Variants in IMMP1L observed in about 807,000 individuals in gnomAD.
IMMP1L encodes the protein inner mitochondrial membrane peptidase subunit 1.
In IMMP1L, 24 loss-of-function variants were observed where a neutral mutation model predicts 21.8. The ratio of observed to expected loss-of-function variants is 1.10; its 90% CI spans 0.80 to 1.55. IMMP1L has a LOEUF of 1.55. IMMP1L is among the 40% of genes most tolerant of loss of function. IMMP1L has a pLI of 0.00. For synonymous variants in IMMP1L, 46 were observed against 62.8 expected (o/e 0.73, Z 1.26); for missense variants, 195 against 200.7 (o/e 0.97, Z 0.17).
chr11:31,456,051 T>C (rs951697292), intron 4 of IMMP1L, among the ~76,000 whole-genome samples: 1 of 152,364 alleles, frequency 6.6e-6, no homozygotes, highest in South Asian at 2.1e-4. Context: ...GTAACAATTA[T>C]TACTAAGATG....
intron 1 of IMMP1L, among the ~76,000 whole-genome samples, chr11:31,494,887 G>C (rs1043352843): frequency 6.6e-6 from 1 of 151,956 alleles, no homozygotes; most frequent in Non-Finnish European, 1.5e-5. Context: ...CTCGTGATCC[G>C]CCCACCTTGG....
intron 1 of IMMP1L, among the ~76,000 whole-genome samples, chr11:31,478,510 C>T (rs904865526): frequency 3.3e-5 from 5 of 152,064 alleles, no homozygotes; most frequent in Admixed American, 1.3e-4. Context: ...TTTATCATCT[C>T]CAAGAAACTA....
chr11:31,501,627 A>G (rs1231613946), intron 1 of IMMP1L, among the ~76,000 whole-genome samples: 1 of 152,156 alleles, frequency 6.6e-6, no homozygotes, highest in Admixed American at 6.5e-5. Context: ...GAAGAAATAC[A>G]TTTAGAAAAA....
intron 1 of IMMP1L, among the ~76,000 whole-genome samples, chr11:31,500,686 C>T (rs192267470): frequency 2.0e-5 from 3 of 151,734 alleles, no homozygotes; most frequent in African/African-American, 7.3e-5. Flanking sequence ...AATAAAAATA[C>T]ATAAAGCTGT....
intron 1 of IMMP1L, among the ~76,000 whole-genome samples, chr11:31,496,184 A>G (rs1955429502): frequency 1.3e-5 from 2 of 152,090 alleles, no homozygotes; most frequent in Admixed American, 1.3e-4. Context: ...ACATCTCTCC[A>G]GACAAGGTAT....
intron 1 of IMMP1L, among the ~76,000 whole-genome samples, chr11:31,500,380 A>G (rs1353585972): frequency 4.6e-5 from 7 of 152,144 alleles, no homozygotes; most frequent in Non-Finnish European, 1.0e-4. Flanking sequence ...GGGAGGAAAA[A>G]AAATTCTATG....
chr11:31,433,550 C>T lies in IMMP1L; in HGVS notation c.342G>A (p.Trp114Ter). The change falls in exon 5 of 6, where the codon TGG becomes TGA. Residue 114 changes from tryptophan to a stop codon, truncating the protein, a stop_gained. Transcript: ENST00000532287. LOFTEE classifies it high-confidence loss of function. ...SHSYVPMGHV[W>*]LEGDNLQNST... ...AATTCTGTAGATTGTCACCTTCTAACCAAACATGACCCATTGGCACCTAGA... is the reference window on the plus strand; with the variant it reads ...AATTCTGTAGATTGTCACCTTCTAATCAAACATGACCCATTGGCACCTAGA... The T allele has an allele frequency of 6.2e-7, 1 of 1,610,448 alleles. No homozygotes were observed. Among genetic ancestry groups the T allele is most frequent in the Non-Finnish European group, 8.5e-7 (1 of 1,177,762 alleles).
chr11:31,443,731 C>T lies in IMMP1L; in HGVS notation c.322-10161G>A, dbSNP rs1398307713. ...TCCCTTTTAAAATTCAGCCTCATTG[C>T]TGTCCTATCTACATCATTGCTGGGA... On this transcript the variant is annotated intron_variant, in intron 4 of 5. Transcript: ENST00000532287. Among the ~76,000 whole-genome samples the T allele has an allele frequency of 2.0e-5, 3 of 152,174 alleles. 1 individual carries two copies. The highest frequency in any genetic ancestry group is 4.4e-5 in the Non-Finnish European group (3 of 68,018).
chr11:31,466,138 G>T (rs1223117015), intron 1 of IMMP1L, among the ~76,000 whole-genome samples: 1 of 151,884 alleles, frequency 6.6e-6, no homozygotes, highest in Non-Finnish European at 1.5e-5. Flanking sequence ...CATAGAAATG[G>T]CCAACAAATA....
At chr11:31,501,788 T>TATAAATAA (rs1399229827) in intron 1 of IMMP1L, among the ~76,000 whole-genome samples, 11 of 127,862 alleles carry the variant, frequency 8.6e-5, no homozygotes, top group African/African-American at 3.6e-4. Flanking sequence ...ACCCCATCTC[T>TATAAATAA]ACAAATAAAT....
intron 4 of IMMP1L, among the ~76,000 whole-genome samples, chr11:31,445,744 A>C (rs1467725843): frequency 1.4e-5 from 2 of 140,590 alleles, no homozygotes; most frequent in South Asian, 4.4e-4. Context: ...TTTTTTTTTG[A>C]GACAGAGTCT....
chr11:31,463,751 A>T (rs1268415122), intron 1 of IMMP1L, among the ~76,000 whole-genome samples: 1 of 152,160 alleles, frequency 6.6e-6, no homozygotes, highest in Non-Finnish European at 1.5e-5. Context: ...TGGTTATTTT[A>T]CTAACTTGTA....
intron 1 of IMMP1L, among the ~76,000 whole-genome samples, chr11:31,471,068 A>G (rs1005913846): frequency 1.3e-5 from 2 of 152,218 alleles, no homozygotes; most frequent in African/African-American, 4.8e-5. Flanking sequence ...GGGTGACTGT[A>G]GTTAACAATA....
intron 1 of IMMP1L, among the ~76,000 whole-genome samples, chr11:31,478,811 T>C (rs1431394116): frequency 6.6e-6 from 1 of 152,184 alleles, no homozygotes; most frequent in Non-Finnish European, 1.5e-5. Context: ...ATTTCCTTGA[T>C]CATTTTATAA....
At chr11:31,489,162 G>A (rs188167989) in intron 1 of IMMP1L, among the ~76,000 whole-genome samples, 10 of 152,204 alleles carry the variant, frequency 6.6e-5, no homozygotes, top group East Asian at 5.8e-4. Flanking sequence ...CTCCCAAAGT[G>A]CTGGGATTAC....
intron 1 of IMMP1L, among the ~76,000 whole-genome samples, chr11:31,480,925 T>C (rs1264062118): frequency 2.6e-5 from 4 of 152,060 alleles, no homozygotes; most frequent in Non-Finnish European, 5.9e-5. Flanking sequence ...CAAAAGCATA[T>C]GCACAAAAGA....
intron 4 of IMMP1L, among the ~76,000 whole-genome samples, chr11:31,453,897 G>A (rs1252655676): frequency 1.3e-5 from 2 of 152,192 alleles, no homozygotes; most frequent in Non-Finnish European, 2.9e-5. Flanking sequence ...TCTGAAAGAA[G>A]TAGTAGTGGC....
At chr11:31,502,831 TTTTC>T (rs1955663979) in intron 1 of IMMP1L, among the ~76,000 whole-genome samples, 1 of 152,362 alleles carries the variant, frequency 6.6e-6, no homozygotes, top group African/African-American at 2.4e-5. Context: ...CTGAAATTTC[TTTTC>T]TTTTTTTGCT....
intron 4 of IMMP1L, among the ~76,000 whole-genome samples, chr11:31,440,700 T>C (rs1003316434): frequency 7.2e-5 from 11 of 152,208 alleles, no homozygotes; most frequent in African/African-American, 2.7e-4. Flanking sequence ...CTTAAAATAC[T>C]TTTTTAGCAT....
Sources: gnomAD v4.1 joint callset for allele counts (sites outside exome capture counted in the v4.1 genomes callset) on GRCh38, gnomAD v4.1.1 for gene constraint, MANE v1.5 for transcripts, NCBI Gene and HGNC (gene_info 2026-07-23, HGNC 2026-07-21) for gene names.